VPS13D: variants seen among roughly 807,000 people sequenced by gnomAD.
The protein encoded by VPS13D is vacuolar protein sorting 13 homolog D.
A neutral mutation model predicts 461.9 loss-of-function variants in VPS13D; 187 were observed. That is an observed-to-expected ratio of 0.40 (90% CI 0.36 to 0.46). The LOEUF is 0.46. Ranked by LOEUF, VPS13D falls within the 20% of genes least tolerant of loss-of-function variation. VPS13D has a pLI of 0.60. For missense variants in VPS13D, 4,711 were observed against 5,364.9 expected (o/e 0.88, Z 3.81); for synonymous variants, 1,951 against 1,986.3 (o/e 0.98, Z 0.47).
chr1:12,236,774 A>AT (rs888038584), intron 2 of VPS13D, among the ~76,000 whole-genome samples: 2 of 152,118 alleles, frequency 1.3e-5, no homozygotes, highest in African/African-American at 2.4e-5. Flanking sequence ...AAGGGTATTG[A>AT]TTTTTTTAGC....
chr1:12,293,398 A>G, intron 23 of VPS13D, 126 bp from the exon 24 acceptor site: 1 of 881,164 alleles, frequency 1.1e-6, no homozygotes, highest in Non-Finnish European at 1.7e-6. Flanking sequence ...TGTAAAGCCT[A>G]ATTTTGGATT....
At chr1:12,462,673 T>A (rs1302395723) in intron 67 of VPS13D, among the ~76,000 whole-genome samples, 3 of 152,212 alleles carry the variant, frequency 2.0e-5, no homozygotes, top group Non-Finnish European at 4.4e-5. Flanking sequence ...ATTTCTCTTG[T>A]ACGTGTTTCA....
chr1:12,432,394 CAAA>C (rs565314145), intron 65 of VPS13D, among the ~76,000 whole-genome samples: 2 of 91,626 alleles, frequency 2.2e-5, no homozygotes. Context: ...AACTCCGTCT[CAAA>C]AAAAAAAAAA....
In VPS13D at chr1:12,353,955, C is replaced by T. The variant is rs778891790; in HGVS notation, c.9432-19C>T. 6.9e-6 allele frequency: 11 copies of T among 1,605,668 alleles called. No individual in the cohort carries two copies. The South Asian group carries it at 7.7e-5, about 11-fold the overall frequency. ...TCTTCATTAAGTCTGATGATTTTTACACCATTTTATCTTCATAGGTTTTGT... is the reference window on the plus strand; with the variant it reads ...TCTTCATTAAGTCTGATGATTTTTATACCATTTTATCTTCATAGGTTTTGT... On this transcript the variant is annotated intron_variant, in intron 46 of 69. Transcript: ENST00000620676.
At chr1:12,390,759 C>A (rs1187696655) in intron 60 of VPS13D, among the ~76,000 whole-genome samples, 1 of 152,192 alleles carries the variant, frequency 6.6e-6, no homozygotes, top group African/African-American at 2.4e-5. Context: ...TAAGCACTGG[C>A]TGTAGACAGG....
intron 40 of VPS13D, among the ~76,000 whole-genome samples, chr1:12,339,981 C>A (rs1643533435): frequency 6.6e-6 from 1 of 152,198 alleles, no homozygotes; most frequent in Non-Finnish European, 1.5e-5. Flanking sequence ...TATGAAAGCA[C>A]ATCTGGCTTC....
At chr1:12,385,920 A>G (rs1215352008) in intron 59 of VPS13D, among the ~76,000 whole-genome samples, 1 of 152,236 alleles carries the variant, frequency 6.6e-6, no homozygotes, top group East Asian at 1.9e-4. Flanking sequence ...AATGAAATGC[A>G]GAATGTCATC....
intron 10 of VPS13D, among the ~76,000 whole-genome samples, chr1:12,259,423 C>A (rs1048248199): frequency 3.4e-4 from 52 of 151,910 alleles, no homozygotes; most frequent in African/African-American, 1.0e-3. Context: ...TCAAGGGATC[C>A]TCCCACCTCA....
intron 60 of VPS13D, 117 bp from the exon 61 acceptor site, chr1:12,400,064 T>A: frequency 8.7e-7 from 1 of 1,147,178 alleles, no homozygotes; most frequent in Non-Finnish European, 1.2e-6. Flanking sequence ...TCGAGTGAAA[T>A]GACAAGGGTA....
At chr1:12,315,539 A>G (rs1290560938) in intron 30 of VPS13D, among the ~76,000 whole-genome samples, 1 of 152,164 alleles carries the variant, frequency 6.6e-6, no homozygotes, top group African/African-American at 2.4e-5. Context: ...AGAGGGGATG[A>G]CTTCTTCCTC....
intron 26 of VPS13D, among the ~76,000 whole-genome samples, chr1:12,307,310 G>A (rs2101481992): frequency 6.6e-6 from 1 of 152,212 alleles, no homozygotes; most frequent in East Asian, 1.9e-4. Flanking sequence ...TAGATGAGAG[G>A]GGCGGGCCAT....
At chr1:12,478,602 G>C (rs1570252647) in intron 67 of VPS13D, 1 of 352,472 alleles carries the variant, frequency 2.8e-6, no homozygotes, top group East Asian at 7.4e-5. Context: ...GCCCATCTGA[G>C]GTCATAAAGG....
At chr1:12,328,392 G>T (rs963409930) in intron 36 of VPS13D, among the ~76,000 whole-genome samples, 1 of 149,544 alleles carries the variant, frequency 6.7e-6, no homozygotes, top group Non-Finnish European at 1.5e-5. Flanking sequence ...CAAAGGTGAG[G>T]TCTTGTTTTG....
At chr1:12,326,219 T>C (rs1353431147) in intron 35 of VPS13D, among the ~76,000 whole-genome samples, 3 of 151,666 alleles carry the variant, frequency 2.0e-5, no homozygotes, top group Non-Finnish European at 4.4e-5. Context: ...TTAATTAATT[T>C]TATACCCCTT....
chr1:12,420,581 A>AT (rs1270497000), intron 65 of VPS13D, among the ~76,000 whole-genome samples: 5 of 152,070 alleles, frequency 3.3e-5, no homozygotes, highest in Non-Finnish European at 5.9e-5. Flanking sequence ...ATAAATGTGC[A>AT]TTTTTCTGGG....
chr1:12,459,523 G>T (rs1362799732), intron 66 of VPS13D, among the ~76,000 whole-genome samples: 2 of 147,618 alleles, frequency 1.4e-5, no homozygotes, highest in Non-Finnish European at 3.0e-5. Flanking sequence ...TCGGTCGCCA[G>T]ACTGGAGTGC....
At chr1:12,474,624 A>T (rs532001372) in intron 67 of VPS13D, among the ~76,000 whole-genome samples, 1 of 152,250 alleles carries the variant, frequency 6.6e-6, no homozygotes, top group Non-Finnish European at 1.5e-5. Flanking sequence ...GCATAATGAA[A>T]ATACAAGATC....
chr1:12,421,702 G>C (rs1184175451), intron 65 of VPS13D, among the ~76,000 whole-genome samples: 1 of 152,178 alleles, frequency 6.6e-6, no homozygotes, highest in Admixed American at 6.5e-5. Context: ...TGTTTGCTCT[G>C]CACCGTTGTT....
chr1:12,368,855 G>A (rs1211635968), intron 53 of VPS13D, among the ~76,000 whole-genome samples: 1 of 152,146 alleles, frequency 6.6e-6, no homozygotes, highest in African/African-American at 2.4e-5. Context: ...AGAGTGGTTG[G>A]TTGACACTGT....
Sources: allele counts gnomAD v4.1 joint callset (sites outside exome capture counted in the v4.1 genomes callset), GRCh38; gene constraint gnomAD v4.1.1; transcripts MANE v1.5; gene names NCBI Gene and HGNC (gene_info 2026-07-23, HGNC 2026-07-21).